GRK4: variants seen among roughly 807,000 people sequenced by gnomAD.
GRK4 encodes G protein-coupled receptor kinase 4.
In GRK4, 73 loss-of-function variants were observed where a neutral mutation model predicts 77.9. That is an observed-to-expected ratio of 0.94 (90% confidence interval 0.78 to 1.14). GRK4 has a LOEUF of 1.14. GRK4 is among the 50% of genes most tolerant of loss of function. GRK4 has a pLI of 0.00. For missense variants in GRK4, 729 were observed against 700.2 expected (o/e 1.04, Z -0.46); for synonymous variants, 257 against 254.4 (o/e 1.01, Z -0.10).
intron 13 of GRK4, among the ~76,000 whole-genome samples, chr4:3,036,020 T>C (rs1740528082): frequency 6.6e-6 from 1 of 152,174 alleles, no homozygotes; most frequent in African/African-American, 2.4e-5. Flanking sequence ...GGGGTCTCCC[T>C]ATGTTGCCCA....
intron 1 of GRK4, among the ~76,000 whole-genome samples, chr4:2,964,856 G>C (rs188997417): frequency 2.6e-4 from 40 of 152,188 alleles, no homozygotes; most frequent in African/African-American, 9.4e-4. Context: ...CTCACTTTAA[G>C]GACAGTTATA....
chr4:3,022,464 G>A lies in GRK4; in HGVS notation c.970+13G>A. 1 of 1,613,240 alleles carries A rather than the reference G, an allele frequency of 6.2e-7. No individual in the cohort carries two copies. On this transcript the variant is annotated intron_variant, in intron 10 of 15. Transcript: ENST00000398052. ...CTTGATGATCGTGGTAAGTGGGCAA[G>A]CCTTTCACATCTAATGGGTAGACTT...
intron 10 of GRK4, among the ~76,000 whole-genome samples, chr4:3,024,327 T>C (rs532493091): frequency 6.6e-6 from 1 of 152,302 alleles, no homozygotes; most frequent in East Asian, 1.9e-4. Context: ...ACAGGTGCGA[T>C]TGTGGCACAA....
chr4:3,034,830 AAG>A (rs1464017804), intron 12 of GRK4, among the ~76,000 whole-genome samples: 1 of 152,112 alleles, frequency 6.6e-6, no homozygotes, highest in Admixed American at 6.6e-5. Context: ...TTTTTAACTT[AAG>A]GAATAACATA....
chr4:2,987,216 T>G (rs956779750), intron 2 of GRK4: 1 of 466,986 alleles, frequency 2.1e-6, no homozygotes, highest in Non-Finnish European at 4.2e-6. Flanking sequence ...TCATAAACTA[T>G]GTGGTCTTTT....
At chr4:3,036,836 G>A (rs1161632237) in intron 13 of GRK4, among the ~76,000 whole-genome samples, 1 of 152,190 alleles carries the variant, frequency 6.6e-6, no homozygotes, top group Non-Finnish European at 1.5e-5. Context: ...TTCTCCGGGT[G>A]CTTTGCCAGG....
At position 3,040,700 on chromosome 4, in the gene GRK4, A is replaced by C; in HGVS notation, c.*75A>C. 10 of 1,184,366 alleles carry C rather than the reference A, an allele frequency of 8.4e-6. No homozygotes were observed. The highest frequency in any genetic ancestry group is 1.2e-5 in the Non-Finnish European group (10 of 808,926). 73.4% of individuals were successfully genotyped at this position (1,184,366 alleles called of 1,614,324 possible). A position where few individuals can be genotyped will look rare whatever the true frequency, so the allele number is the denominator to read the frequency against. On this transcript the variant is annotated 3_prime_UTR_variant, in exon 16 of 16. Transcript: ENST00000398052. ...GTGTTAGCGTCTCGTCCCACCTGGAATTGTAATAAATACATCTAAATAAAA... is the reference window on the plus strand; with the variant it reads ...GTGTTAGCGTCTCGTCCCACCTGGACTTGTAATAAATACATCTAAATAAAA...
intron 2 of GRK4, among the ~76,000 whole-genome samples, chr4:2,986,397 G>A (rs1351533569): frequency 6.5e-5 from 8 of 122,860 alleles, no homozygotes; most frequent in East Asian, 4.6e-4. Context: ...TCGCTGTGTC[G>A]CCAGGCTGGA....
Position 3,040,632 on chromosome 4 carries a change from C to A in GRK4, c.*7C>A. 1 of 1,609,208 alleles carries A rather than the reference C, an allele frequency of 6.2e-7. No homozygotes were observed. The highest frequency in any genetic ancestry group is 8.5e-7 in the Non-Finnish European group (1 of 1,177,834). On this transcript the variant is annotated 3_prime_UTR_variant, in exon 16 of 16. Coordinates refer to ENST00000398052, the MANE Select transcript of GRK4 (RefSeq NM_182982.3). ...GGAACCCAAGCAATGCTGAGCACCCCGGTGCGGACCACAGAGCAGACCCTG... is the reference window on the plus strand; with the variant it reads ...GGAACCCAAGCAATGCTGAGCACCCAGGTGCGGACCACAGAGCAGACCCTG...
chr4:3,029,332 G>A lies in GRK4; in HGVS notation c.1192G>A (p.Val398Ile), dbSNP rs773478733. The A allele has an allele frequency of 2.5e-6, 4 of 1,614,132 alleles. No homozygotes were observed. The highest frequency in any genetic ancestry group is 2.2e-5 in the South Asian group (2 of 91,086). ...KYKEKVKWEE[V>I]DQRIKNDTEE... ...CAAAGAGAAAGTCAAATGGGAGGAGGTCGATCAAAGAATCAAGAATGATAC... is the reference window on the plus strand; with the variant it reads ...CAAAGAGAAAGTCAAATGGGAGGAGATCGATCAAAGAATCAAGAATGATAC... The change falls in exon 12 of 16, where the codon GTC becomes ATC. Residue 398 changes from valine to isoleucine, a missense_variant. By Grantham distance (29) the Val-to-Ile change is conservative (BLOSUM62 3). Coordinates refer to ENST00000398052, the MANE Select transcript of GRK4 (RefSeq NM_182982.3).
chr4:2,994,960 T>C (rs1024694771), intron 4 of GRK4, among the ~76,000 whole-genome samples: 12 of 152,220 alleles, frequency 7.9e-5, no homozygotes, highest in Admixed American at 3.3e-4. Context: ...TAGGCCCCAT[T>C]GTGTGGTGTT....
intron 10 of GRK4, among the ~76,000 whole-genome samples, chr4:3,023,376 C>G (rs1736593959): frequency 6.6e-6 from 1 of 152,168 alleles, no homozygotes; most frequent in South Asian, 2.1e-4. Flanking sequence ...GTTTTCTTGG[C>G]AAAGAAGGGT....
At chr4:3,039,414 T>A (rs566710184) in intron 15 of GRK4, among the ~76,000 whole-genome samples, 1 of 150,564 alleles carries the variant, frequency 6.6e-6, no homozygotes, top group South Asian at 2.1e-4. Context: ...GTATGAAAAA[T>A]AGGCTAGGCG....
Position 3,038,438 on chromosome 4 carries a change from A to T in GRK4, c.1608A>T (p.Leu536Phe), listed in dbSNP as rs938731692. The T allele has an allele frequency of 3.1e-6, 5 of 1,614,084 alleles. No individual in the cohort carries two copies. The highest frequency in any genetic ancestry group is 4.2e-6 in the Non-Finnish European group (5 of 1,180,010). The change falls in exon 15 of 16, where the codon TTA (leucine) becomes TTT (phenylalanine). Residue 536 changes from leucine (L) to phenylalanine (F), a missense_variant. By Grantham distance (22) the Leu-to-Phe change is conservative. Coordinates refer to ENST00000398052, the MANE Select transcript of GRK4 (RefSeq NM_182982.3). The part of the protein sequence containing the change: ...NKSESEEALP[L>F]DLDKNIHTPV... Reference sequence around the variant, plus strand: ...GTGAAAGTGAGGAAGCTTTGCCATTAGATCTAGACAAGAACATACATACCC... The same window carrying T: ...GTGAAAGTGAGGAAGCTTTGCCATTTGATCTAGACAAGAACATACATACCC...
At chr4:2,993,753 G>A (rs538423385) in intron 4 of GRK4, among the ~76,000 whole-genome samples, 2 of 152,266 alleles carry the variant, frequency 1.3e-5, no homozygotes, top group Non-Finnish European at 2.9e-5. Flanking sequence ...ACAAACCTAT[G>A]AGGTAGATAC....
At chr4:2,970,335 A>G (rs1719088920) in intron 1 of GRK4, among the ~76,000 whole-genome samples, 2 of 152,152 alleles carry the variant, frequency 1.3e-5, no homozygotes, top group Admixed American at 1.3e-4. Context: ...CTACTTTAGG[A>G]CCAAAAATAT....
chr4:2,985,150 C>A (rs948558167), intron 2 of GRK4, among the ~76,000 whole-genome samples: 2 of 151,662 alleles, frequency 1.3e-5, no homozygotes, highest in African/African-American at 2.4e-5. Flanking sequence ...CAGTGGCTCA[C>A]GCCTGTAATC....
chr4:3,003,642 G>GT (rs1730475378), intron 4 of GRK4, among the ~76,000 whole-genome samples: 1 of 152,126 alleles, frequency 6.6e-6, no homozygotes, highest in African/African-American at 2.4e-5. Context: ...CACCTGGGTT[G>GT]TTTTTTGCTA....
chr4:3,033,180 A>G (rs1414284493), intron 12 of GRK4, among the ~76,000 whole-genome samples: 2 of 152,270 alleles, frequency 1.3e-5, no homozygotes, highest in East Asian at 3.9e-4. Context: ...CCAAGGAGCT[A>G]GAGACCAGCC....
Sources: allele counts gnomAD v4.1 joint callset (sites outside exome capture counted in the v4.1 genomes callset), GRCh38; gene constraint gnomAD v4.1.1; transcripts MANE v1.5; gene names NCBI Gene and HGNC (gene_info 2026-07-23, HGNC 2026-07-21).